Variants in PCOLCE2 observed in about 807,000 individuals in gnomAD.
PCOLCE2 encodes the protein procollagen C-proteinase enhancer 2.
In PCOLCE2, 42 loss-of-function variants were observed where a neutral mutation model predicts 47.0. The observed-to-expected ratio is 0.89, with a 90% confidence interval of 0.70 to 1.16. The LOEUF (loss-of-function observed/expected upper bound fraction) is 1.16, where lower values mean the gene tolerates loss of function less well. Among genes scored for constraint, PCOLCE2 ranks in the 50% most tolerant of loss-of-function variants. The probability of loss-of-function intolerance (pLI) is 0.00; values close to 1 mark genes in which losing one functional copy is unlikely to be tolerated. For synonymous variants in PCOLCE2, 169 were observed against 191.7 expected, an observed-to-expected ratio of 0.88 and a Z score of 0.98; for missense variants, 500 against 526.1, an observed-to-expected ratio of 0.95 and a Z score of 0.49.
chr3:142,834,904 C>T (rs1365900784), intron 5 of PCOLCE2, among the ~76,000 whole-genome samples: 1 of 152,060 alleles, frequency 6.6e-6, no homozygotes, highest in Admixed American at 6.6e-5. Flanking sequence ...AATGTCTGTA[C>T]CTCAAATATC....
At chr3:142,887,976 C>T (rs189778678) in intron 1 of PCOLCE2, among the ~76,000 whole-genome samples, 199 bp from the exon 2 acceptor site, 3 of 152,290 alleles carry the variant, frequency 2.0e-5, no homozygotes, top group Admixed American at 2.0e-4. Context: ...TTCAGTCCAG[C>T]GCCATCTGTC....
chr3:142,820,528 T>C (rs943207158), intron 8 of PCOLCE2, among the ~76,000 whole-genome samples: 2 of 152,152 alleles, frequency 1.3e-5, no homozygotes, highest in Non-Finnish European at 1.5e-5. Flanking sequence ...TCTTCTGAAC[T>C]TCGGGTCTGC....
At chr3:142,826,987 C>T in intron 6 of PCOLCE2, 1 of 606,504 alleles carries the variant, frequency 1.6e-6, no homozygotes, top group South Asian at 1.8e-5. Flanking sequence ...CTCCTGCCCT[C>T]AATCTCTGCC....
chr3:142,888,157 G>A (rs144288397), intron 1 of PCOLCE2, among the ~76,000 whole-genome samples: 85 of 152,302 alleles, frequency 5.6e-4, no homozygotes, highest in Non-Finnish European at 9.7e-4. Flanking sequence ...CAAGCAATTG[G>A]TTAATATAAA....
chr3:142,838,641 G>A (rs1937230509), intron 5 of PCOLCE2, 129 bp downstream of exon 5: 7 of 778,870 alleles, frequency 9.0e-6, no homozygotes, highest in Non-Finnish European at 1.3e-5. Flanking sequence ...AGAACTAATA[G>A]AGGACCCAAT....
Position 142,888,879 on chromosome 3 carries a change from G to T in PCOLCE2, c.18C>A (p.Ala6=). 6.5e-7 allele frequency: 1 copy of T among 1,530,006 alleles called. No homozygotes were observed. Among genetic ancestry groups the T allele is most frequent in the South Asian group, 1.2e-5 (1 of 80,002 alleles). 94.8% of individuals were successfully genotyped at this position (1,530,006 alleles called of 1,614,324 possible). A position where few individuals can be genotyped will look rare whatever the true frequency, so the allele number is the denominator to read the frequency against. The part of the protein sequence containing the change: MRGAN[A]WAPLCLLLAA... ...CCAGCAGCAGGCAGAGTGGCGCCCA[G>T]GCGTTCGCGCCCCTCATGGCAGCGT... The change falls in exon 1 of 9, where the codon GCC becomes GCA. Residue 6 remains alanine (A), a synonymous_variant. Transcript: ENST00000295992.
At chr3:142,872,903 T>G (rs1400831444) in intron 2 of PCOLCE2, among the ~76,000 whole-genome samples, 1 of 152,228 alleles carries the variant, frequency 6.6e-6, no homozygotes, top group Non-Finnish European at 1.5e-5. Flanking sequence ...AAAGTGCTTT[T>G]ATTTTCCCCC....
chr3:142,827,759 T>C (rs888414043), intron 6 of PCOLCE2: 4 of 694,474 alleles, frequency 5.8e-6, no homozygotes, highest in Non-Finnish European at 9.8e-6. Context: ...CTGGCTTAAA[T>C]CTTTTAGTCT....
At position 142,818,258 on chromosome 3, in the gene PCOLCE2, AT is replaced by A. The variant is rs918444729; in HGVS notation, c.*76del. 328 of 1,277,596 alleles carry A rather than the reference AT, an allele frequency of 2.6e-4. No homozygotes were observed. Among genetic ancestry groups the A allele is most frequent in the Middle Eastern group, 5.7e-4 (3 of 5,228 alleles). 79.1% of individuals were successfully genotyped at this position (1,277,596 alleles called of 1,614,324 possible). Reference sequence around the variant, plus strand: ...TTTCAGAATATGTAATTTTATAAGTATTTTTTTTTCTACTGAGAGAACATAG... The same window carrying A: ...TTTCAGAATATGTAATTTTATAAGTATTTTTTTTCTACTGAGAGAACATAG... On this transcript the variant is annotated 3_prime_UTR_variant, in exon 9 of 9. Coordinates refer to ENST00000295992, the MANE Select transcript of PCOLCE2 (RefSeq NM_013363.4).
At chr3:142,888,682 C>G in intron 1 of PCOLCE2, 132 bp downstream of exon 1, 2 of 515,852 alleles carry the variant, frequency 3.9e-6, no homozygotes, top group Non-Finnish European at 6.6e-6. Context: ...ACGCCTGCAC[C>G]GCGCGGGAGC....
chr3:142,874,402 C>G (rs925618717), intron 2 of PCOLCE2, among the ~76,000 whole-genome samples: 5 of 152,106 alleles, frequency 3.3e-5, no homozygotes, highest in African/African-American at 4.8e-5. Context: ...GTGGCACACC[C>G]CCCTCACTCT....
rs373839458 is a variant in PCOLCE2, at chr3:142,818,389, C to T, written c.1194G>A (p.Met398Ile). Residue 398 changes from methionine (M) to isoleucine (I), a missense_variant, in exon 9 of 9, where the codon ATG becomes ATA. Met to Ile is a conservative substitution (Grantham distance 10). Coordinates refer to ENST00000295992, the MANE Select transcript of PCOLCE2 (RefSeq NM_013363.4). ...GKIMPNSFIMMFKTKNQKLLD... is the reference protein window; with the variant it reads ...GKIMPNSFIMIFKTKNQKLLD... ...GGAGCTTCTGATTCTTGGTCTTGAACATCATGATAAAGCTGTTTGGCATGA... is the reference window on the plus strand; with the variant it reads ...GGAGCTTCTGATTCTTGGTCTTGAATATCATGATAAAGCTGTTTGGCATGA... The T allele has an allele frequency of 1.1e-5, 18 of 1,613,230 alleles. No homozygotes were observed. In the African/African-American group the frequency reaches 1.5e-4, roughly 13 times the overall value.
intron 2 of PCOLCE2, among the ~76,000 whole-genome samples, chr3:142,866,688 A>C (rs1933288024): frequency 6.6e-6 from 1 of 152,228 alleles, no homozygotes; most frequent in South Asian, 2.1e-4. Flanking sequence ...ATAAGCTTCT[A>C]CAAAAAACAC....
intron 5 of PCOLCE2, among the ~76,000 whole-genome samples, chr3:142,837,363 A>T (rs1937215242): frequency 6.6e-6 from 1 of 152,238 alleles, no homozygotes; most frequent in Non-Finnish European, 1.5e-5. Flanking sequence ...ACTTAGAAAT[A>T]GGCCCTTCTC....
chr3:142,868,902 CG>C (rs942823970), intron 2 of PCOLCE2, among the ~76,000 whole-genome samples: 14 of 152,236 alleles, frequency 9.2e-5, no homozygotes, highest in African/African-American at 3.1e-4. Flanking sequence ...ATTTCTTTTG[CG>C]GCACCAAAAC....
chr3:142,857,147 G>C, intron 2 of PCOLCE2, among the ~76,000 whole-genome samples: 1 of 152,186 alleles, frequency 6.6e-6, no homozygotes, highest in East Asian at 1.9e-4. Context: ...GTGCGAGCCT[G>C]GTGCTTCGGG....
intron 6 of PCOLCE2, among the ~76,000 whole-genome samples, chr3:142,823,997 C>T (rs1271601633): frequency 6.6e-6 from 1 of 152,192 alleles, no homozygotes; most frequent in African/African-American, 2.4e-5. Context: ...CCTCACTTTA[C>T]AAAAGGAATC....
intron 2 of PCOLCE2, among the ~76,000 whole-genome samples, chr3:142,857,907 C>CA (rs1461196962): frequency 6.6e-6 from 1 of 152,244 alleles, no homozygotes; most frequent in Admixed American, 6.5e-5. Context: ...ATCTACCCCC[C>CA]AGCCATTTGT....
intron 2 of PCOLCE2, among the ~76,000 whole-genome samples, chr3:142,866,747 G>A (rs1435393901): frequency 6.6e-6 from 1 of 152,112 alleles, no homozygotes; most frequent in East Asian, 1.9e-4. Flanking sequence ...AGCTAGAATG[G>A]GTAAAAGAGT....
Sources: allele counts gnomAD v4.1 joint callset (sites outside exome capture counted in the v4.1 genomes callset), GRCh38; gene constraint gnomAD v4.1.1; transcripts MANE v1.5; gene names NCBI Gene and HGNC (gene_info 2026-07-23, HGNC 2026-07-21).